ATXN2: variants seen among roughly 807,000 people sequenced by gnomAD.
ATXN2 encodes ataxin-2.
In ATXN2, 37 loss-of-function variants were observed where a neutral mutation model predicts 138.6. The observed-to-expected ratio is 0.27, with a 90% confidence interval of 0.21 to 0.35. The LOEUF is 0.35. Ranked by LOEUF, ATXN2 falls within the 10% of genes least tolerant of loss-of-function variation. ATXN2 has a pLI of 1.00. For missense variants in ATXN2, 1,216 were observed against 1,480.3 expected, an observed-to-expected ratio of 0.82 and a Z score of 2.93; for synonymous variants, 549 against 543.7, an observed-to-expected ratio of 1.01 and a Z score of -0.13.
At chr12:111,533,621 GTTCAA>G (rs1880976458) in intron 5 of ATXN2, among the ~76,000 whole-genome samples, 2 of 151,908 alleles carry the variant, frequency 1.3e-5, no homozygotes, top group African/African-American at 2.4e-5. Context: ...TACTTCTCAG[GTTCAA>G]GCAAATTGCT....
intron 1 of ATXN2, among the ~76,000 whole-genome samples, chr12:111,562,199 T>A (rs9971826): frequency 0.1 from 15,245 of 151,566 alleles, 2,560 homozygotes; most frequent in African/African-American, 0.35. Context: ...ATCCAGAGGC[T>A]GAGGCAGAAG....
At chr12:111,519,378 T>G (rs1880031348) in intron 8 of ATXN2, among the ~76,000 whole-genome samples, 1 of 152,138 alleles carries the variant, frequency 6.6e-6, no homozygotes, top group Admixed American at 6.6e-5. Context: ...CTGGCCAAAT[T>G]TTCTCATAGC....
chr12:111,558,945 T>C (rs1396099443), intron 1 of ATXN2, among the ~76,000 whole-genome samples: 1 of 62,224 alleles, frequency 1.6e-5, no homozygotes, highest in African/African-American at 6.2e-5. Context: ...TTTCACACAA[T>C]TTCCCTTAAA....
At chr12:111,586,534 C>T (rs1196103551) in intron 1 of ATXN2, among the ~76,000 whole-genome samples, 4 of 151,888 alleles carry the variant, frequency 2.6e-5, no homozygotes, top group Non-Finnish European at 5.9e-5. Context: ...TACAGGCACA[C>T]ATCACCACGC....
chr12:111,507,525 T>C (rs1879228374), intron 14 of ATXN2, among the ~76,000 whole-genome samples: 1 of 148,188 alleles, frequency 6.7e-6, no homozygotes, highest in Admixed American at 6.7e-5. Flanking sequence ...AGCCGCCCCA[T>C]CCGGGAGGGA....
At chr12:111,504,418 T>C (rs899078142) in intron 14 of ATXN2, among the ~76,000 whole-genome samples, 3 of 152,142 alleles carry the variant, frequency 2.0e-5, no homozygotes, top group Non-Finnish European at 4.4e-5. Flanking sequence ...ACTACAGTAG[T>C]GGGACTAGAC....
chr12:111,482,100 C>T (rs2135692387), intron 18 of ATXN2, among the ~76,000 whole-genome samples: 1 of 151,746 alleles, frequency 6.6e-6, no homozygotes, highest in South Asian at 2.1e-4. Flanking sequence ...ACCTGTAATC[C>T]CAGCACTTTG....
At chr12:111,464,961 A>C (rs920495670) in intron 20 of ATXN2, among the ~76,000 whole-genome samples, 3 of 152,228 alleles carry the variant, frequency 2.0e-5, no homozygotes, top group Admixed American at 2.0e-4. Context: ...AAGGAATAAA[A>C]TCATTATCTA....
intron 1 of ATXN2, among the ~76,000 whole-genome samples, chr12:111,571,759 T>A (rs1254627564): frequency 6.6e-6 from 1 of 152,028 alleles, no homozygotes; most frequent in Non-Finnish European, 1.5e-5. Context: ...GGCTCACACC[T>A]GTAATCCCAG....
chr12:111,525,783 C>G (rs1224260371), intron 5 of ATXN2, among the ~76,000 whole-genome samples: 1 of 151,074 alleles, frequency 6.6e-6, no homozygotes, highest in East Asian at 2.0e-4. Flanking sequence ...CTCCCGGGTT[C>G]AAGCGATTCT....
At chr12:111,582,900 C>T (rs1004967915) in intron 1 of ATXN2, among the ~76,000 whole-genome samples, 1 of 151,952 alleles carries the variant, frequency 6.6e-6, no homozygotes, top group Non-Finnish European at 1.5e-5. Context: ...GATCTCCTGA[C>T]CTCGTGATCC....
At chr12:111,537,125 T>C (rs918186473) in intron 5 of ATXN2, among the ~76,000 whole-genome samples, 2 of 152,090 alleles carry the variant, frequency 1.3e-5, no homozygotes, top group Non-Finnish European at 1.5e-5. Context: ...AGCAGGATTA[T>C]GTATAAATCA....
chr12:111,569,362 GTTA>G (rs1245483737), intron 1 of ATXN2, among the ~76,000 whole-genome samples: 1 of 152,104 alleles, frequency 6.6e-6, no homozygotes, highest in Non-Finnish European at 1.5e-5. Context: ...TGCCTGGTAT[GTTA>G]TTAAGTGTTT....
intron 5 of ATXN2, among the ~76,000 whole-genome samples, chr12:111,529,847 A>C (rs1210467472): frequency 1.3e-5 from 2 of 152,234 alleles, no homozygotes; most frequent in African/African-American, 4.8e-5. Context: ...ATTAGAAATA[A>C]ATATACTTAA....
intron 5 of ATXN2, among the ~76,000 whole-genome samples, chr12:111,544,550 C>T (rs1881701912): frequency 6.6e-6 from 1 of 152,086 alleles, no homozygotes; most frequent in African/African-American, 2.4e-5. Flanking sequence ...GGTATAAGGG[C>T]AATGATACAC....
intron 1 of ATXN2, among the ~76,000 whole-genome samples, chr12:111,596,378 C>CACAT (rs1884943271): frequency 6.6e-6 from 1 of 151,796 alleles, no homozygotes; most frequent in Admixed American, 6.6e-5. Flanking sequence ...ACTATTCACA[C>CACAT]ACACACACAC....
At position 111,453,938 on chromosome 12, in the gene ATXN2, G is replaced by A; in HGVS notation, c.3271-93C>T. On this transcript the variant is annotated intron_variant, in intron 23 of 24. Coordinates refer to ENST00000673436, the MANE Select transcript of ATXN2 (RefSeq NM_001372574.1). This position sits in a 1 kb window ranked among gnomAD's most constrained non-coding sequence, Gnocchi z 5.4. ...CCTTTCACTGGGCTGGGACTCTCAGGAAAGGGCAACGGTGGGCCTCAGGGC... is the reference window on the plus strand; with the variant it reads ...CCTTTCACTGGGCTGGGACTCTCAGAAAAGGGCAACGGTGGGCCTCAGGGC... 1 of 1,352,328 alleles carries A rather than the reference G, an allele frequency of 7.4e-7. No homozygotes were observed. The highest frequency in any genetic ancestry group is 1.0e-6 in the Non-Finnish European group (1 of 991,010). 83.8% of individuals were successfully genotyped at this position (1,352,328 alleles called of 1,614,324 possible). A position where few individuals can be genotyped will look rare whatever the true frequency, so the allele number is the denominator to read the frequency against.
At chr12:111,551,080 C>A (rs777270995) in intron 5 of ATXN2, among the ~76,000 whole-genome samples, 1 of 152,044 alleles carries the variant, frequency 6.6e-6, no homozygotes, top group African/African-American at 2.4e-5. Flanking sequence ...GGGCGGATCA[C>A]GAGGTCAAAC....
intron 18 of ATXN2, among the ~76,000 whole-genome samples, chr12:111,474,824 C>T (rs1876677101): frequency 1.3e-5 from 2 of 152,300 alleles, no homozygotes; most frequent in Admixed American, 1.3e-4. Flanking sequence ...TGGCTCACAC[C>T]TGTAATCCCA....
Sources: gnomAD v4.1 joint callset for allele counts (sites outside exome capture counted in the v4.1 genomes callset) on GRCh38, gnomAD v4.1.1 for gene constraint, Gnocchi (gnomAD v3.1) non-coding constraint, MANE v1.5 for transcripts, NCBI Gene and HGNC (gene_info 2026-07-23, HGNC 2026-07-21) for gene names.